The following SGK1 variants were observed in gnomAD, a reference collection of about 807,000 sequenced individuals.
The protein encoded by SGK1 is serum/glucocorticoid regulated kinase 1, also known as serine/threonine-protein kinase Sgk1.
Under a neutral mutation model 64.2 loss-of-function variants are expected in SGK1, and 26 were observed. The observed-to-expected ratio is 0.40, with a 90% CI of 0.30 to 0.56. The LOEUF is 0.56. Among genes scored for constraint, SGK1 ranks in the 20% least tolerant of loss-of-function variants. The pLI is 0.38. For missense variants in SGK1, 519 were observed against 645.6 expected (o/e 0.80, Z 2.12); for synonymous variants, 265 against 239.7 (o/e 1.11, Z -0.98).
At chr6:134,218,950 AG>A (rs1334399334) in intron 2 of SGK1, among the ~76,000 whole-genome samples, 1 of 152,104 alleles carries the variant, frequency 6.6e-6, no homozygotes, top group African/African-American at 2.4e-5. Flanking sequence ...AATGGAACAC[AG>A]CTTTTCAATG....
chr6:134,257,983 T>G (rs1256519977), intron 2 of SGK1, among the ~76,000 whole-genome samples: 1 of 152,200 alleles, frequency 6.6e-6, no homozygotes, highest in African/African-American at 2.4e-5. Flanking sequence ...TACCGGCTTC[T>G]GCATCTCACA....
Position 134,174,975 on chromosome 6 carries a change from C to T in SGK1, c.362-389G>A, listed in dbSNP as rs889611835. 6.3e-5 allele frequency: 82 copies of T among 1,297,578 alleles called. No homozygotes were observed. The East Asian group carries it at 1.9e-3, about 30-fold the overall frequency. The allele number at this position is 1,297,578 out of a possible 1,614,324, so 80.4% of individuals were successfully genotyped here. A position where few individuals can be genotyped will look rare whatever the true frequency, so the allele number is the denominator to read the frequency against. On this transcript the variant is annotated intron_variant, in intron 3 of 13. Transcript: ENST00000367858. ...CGCCTCGCCCCTCGCCCCGCCCCGG[C>T]CGCCTCGCGGTTTGCTGGCGGCTAC...
intron 1 of SGK1, among the ~76,000 whole-genome samples, chr6:134,303,762 C>T (rs752118786): frequency 1.3e-5 from 2 of 149,316 alleles, no homozygotes; most frequent in Non-Finnish European, 1.5e-5. Flanking sequence ...CCAGCCTGAG[C>T]GACACAGCAC....
rs1330962824 is a variant in SGK1, at chr6:134,174,552, G to A, written c.396C>T (p.Asp132=). 1 of 1,613,842 alleles carries A rather than the reference G, an allele frequency of 6.2e-7. No individual in the cohort carries two copies. The highest frequency in any genetic ancestry group is 1.3e-5 in the African/African-American group (1 of 74,910). ...FMKQRRMGLN[D]FIQKIANNSY... ...AGTTATTGGCAATCTTCTGAATAAA[G>A]TCGTTCAGACCCATCCTCCTCTGCT... The change falls in exon 4 of 14, where the codon GAC becomes GAT. Residue 132 remains aspartate (D), a synonymous_variant. Coordinates refer to ENST00000367858, the MANE Select transcript of SGK1 (RefSeq NM_001143676.3).
intron 1 of SGK1, among the ~76,000 whole-genome samples, chr6:134,269,123 C>T (rs573814005): frequency 2.4e-4 from 35 of 147,084 alleles, no homozygotes; most frequent in Non-Finnish European, 4.1e-4. Context: ...TGATATCAAC[C>T]GATACAGGAA....
chr6:134,298,786 T>C (rs1443406887), intron 1 of SGK1: 1 of 163,200 alleles, frequency 6.1e-6, no homozygotes, highest in Non-Finnish European at 1.1e-5. Flanking sequence ...ATTCAGCTCT[T>C]ATTTATTTAT....
At chr6:134,290,428 C>CAAAAAAA (rs368273292) in intron 1 of SGK1, among the ~76,000 whole-genome samples, 1 of 130,866 alleles carries the variant, frequency 7.6e-6, no homozygotes. Context: ...GATTTTCTGT[C>CAAAAAAA]AAAAAAAAAA....
chr6:134,197,752 G>A (rs1016426661), intron 3 of SGK1, among the ~76,000 whole-genome samples: 4 of 151,710 alleles, frequency 2.6e-5, no homozygotes, highest in African/African-American at 9.7e-5. Flanking sequence ...CTTGAACCCG[G>A]GAGGTGGAGG....
Position 134,238,021 on chromosome 6 carries a change from A to G in SGK1, c.285+23912T>C, listed in dbSNP as rs544545984. Reference sequence around the variant, plus strand: ...CAATATTATGATTCCCTCAGTTTGTATGACTTAATAATTCTTTTTTTAGAG... The same window carrying G: ...CAATATTATGATTCCCTCAGTTTGTGTGACTTAATAATTCTTTTTTTAGAG... On this transcript the variant is annotated intron_variant, in intron 2 of 13. Coordinates refer to ENST00000367858, the MANE Select transcript of SGK1 (RefSeq NM_001143676.3). 4.6e-5 allele frequency among the ~76,000 whole-genome samples: 7 copies of G among 152,336 alleles called. No homozygotes were observed. In the South Asian group the frequency reaches 1.4e-3, roughly 32 times the overall value.
intron 3 of SGK1, among the ~76,000 whole-genome samples, chr6:134,199,790 T>C (rs1343581390): frequency 6.6e-6 from 1 of 152,116 alleles, no homozygotes; most frequent in Non-Finnish European, 1.5e-5. Flanking sequence ...GAAAGAAATC[T>C]AGACATTTAA....
intron 2 of SGK1, among the ~76,000 whole-genome samples, chr6:134,251,172 A>C (rs1776600381): frequency 6.6e-6 from 1 of 152,220 alleles, no homozygotes; most frequent in Non-Finnish European, 1.5e-5. Flanking sequence ...CATTTCAATT[A>C]ACAACCCAAG....
In SGK1 at chr6:134,297,937, C is replaced by A. The variant is rs563233431; in HGVS notation, c.69+19455G>T. The A allele has an allele frequency of 6.9e-5, 56 of 806,832 alleles. No individual in the cohort carries two copies. The African/African-American group carries it at 8.4e-4, about 12-fold the overall frequency. The allele number at this position is 806,832 out of a possible 1,614,324, so 50.0% of individuals were successfully genotyped here. On this transcript the variant is annotated intron_variant, in intron 1 of 13. Transcript: ENST00000367858. ...GTGATCTCCTCGTACTGCGCCTTGA[C>A]CTCAGTGATGATGCCGTCCATGTCC...
chr6:134,171,935 C>T, intron 10 of SGK1: 1 of 616,812 alleles, frequency 1.6e-6, no homozygotes, highest in Non-Finnish European at 2.8e-6. Context: ...CTGCTGGGCA[C>T]TTGATATCTC....
chr6:134,174,723 T>G (rs998065063), intron 3 of SGK1, 137 bp from the exon 4 acceptor site: 11 of 1,614,060 alleles, frequency 6.8e-6, no homozygotes, highest in Non-Finnish European at 9.3e-6. Context: ...GCAAGATTCC[T>G]GCACTCACCG....
intron 2 of SGK1, chr6:134,218,690 C>A (rs560126991): frequency 6.6e-6 from 1 of 152,230 alleles, no homozygotes; most frequent in African/African-American, 2.4e-5. Context: ...CCTTGGCCTC[C>A]CAAAGTGTGA....
chr6:134,233,158 CGTT>C (rs1215019836), intron 2 of SGK1, among the ~76,000 whole-genome samples: 1 of 151,940 alleles, frequency 6.6e-6, no homozygotes, highest in African/African-American at 2.4e-5. Context: ...GATTACAAAA[CGTT>C]GTATTATTAT....
intron 13 of SGK1, 83 bp from the exon 14 acceptor site, chr6:134,170,518 C>A: frequency 7.6e-7 from 1 of 1,312,604 alleles, no homozygotes; most frequent in Non-Finnish European, 1.1e-6. Flanking sequence ...CTTTAAATAC[C>A]AAGTTTAAGT....
At position 134,317,533 on chromosome 6, in the gene SGK1, G is replaced by T; in HGVS notation, c.-73C>A. Reference sequence around the variant, plus strand: ...CTGGTTAGTGCATATCTGTTTCCCCGGTTTACCTCCTGCAGACAGTTAATG... The same window carrying T: ...CTGGTTAGTGCATATCTGTTTCCCCTGTTTACCTCCTGCAGACAGTTAATG... On this transcript the variant is annotated 5_prime_UTR_variant, in exon 1 of 14. Coordinates refer to ENST00000367858, the MANE Select transcript of SGK1 (RefSeq NM_001143676.3). 1 of 894,300 alleles carries T rather than the reference G, an allele frequency of 1.1e-6. No homozygotes were observed. Among genetic ancestry groups the T allele is most frequent in the Non-Finnish European group, 1.9e-6 (1 of 523,142 alleles). The allele number at this position is 894,300 out of a possible 1,614,324, so 55.4% of individuals were successfully genotyped here.
chr6:134,171,540 A>G lies in SGK1; in HGVS notation c.1167+97T>C, dbSNP rs1236393551. On this transcript the variant is annotated intron_variant, in intron 11 of 13. Transcript: ENST00000367858. ...CCTCTTAGCTGCTTTTGATAAGCGTACTGGTAAGGGCAAGACACCATGGCC... is the reference window on the plus strand; with the variant it reads ...CCTCTTAGCTGCTTTTGATAAGCGTGCTGGTAAGGGCAAGACACCATGGCC... The G allele has an allele frequency of 8.8e-6, 7 of 797,906 alleles. No individual in the cohort carries two copies. In the African/African-American group the frequency reaches 1.2e-4, roughly 14 times the overall value. The allele number at this position is 797,906 out of a possible 1,614,324, so 49.4% of individuals were successfully genotyped here.
Sources: gnomAD v4.1 joint callset for allele counts (sites outside exome capture counted in the v4.1 genomes callset) on GRCh38, gnomAD v4.1.1 for gene constraint, MANE v1.5 for transcripts, NCBI Gene and HGNC (gene_info 2026-07-23, HGNC 2026-07-21) for gene names.